QTMAN: variants seen among roughly 807,000 people sequenced by gnomAD.
QTMAN encodes tRNA-queuosine alpha-mannosyltransferase.
chr2:144,008,017 CTAA>C, the QTMAN span, among the ~76,000 whole-genome samples: 1 of 152,246 alleles, frequency 6.6e-6, no homozygotes, highest in East Asian at 1.9e-4. Flanking sequence ...ATTGACTTGG[CTAA>C]TGTTTCCTGA....
At chr2:143,975,613 A>C in the QTMAN span, among the ~76,000 whole-genome samples, 5 of 152,382 alleles carry the variant, frequency 3.3e-5, no homozygotes, top group South Asian at 1.0e-3. Flanking sequence ...CAGTAGTATA[A>C]GGACATTGGA....
At chr2:144,130,326 G>T in the QTMAN span, among the ~76,000 whole-genome samples, 1 of 151,862 alleles carries the variant, frequency 6.6e-6, no homozygotes, top group Non-Finnish European at 1.5e-5. Flanking sequence ...AAAGTACTTG[G>T]ATCTAATATT....
chr2:144,137,194 A>C, the QTMAN span, among the ~76,000 whole-genome samples: 1 of 152,140 alleles, frequency 6.6e-6, no homozygotes, highest in African/African-American at 2.4e-5. Flanking sequence ...TTCTGCCAAA[A>C]GTGGATTATG....
chr2:144,275,308 C>T, the QTMAN span, among the ~76,000 whole-genome samples: 3 of 151,078 alleles, frequency 2.0e-5, no homozygotes, highest in South Asian at 2.1e-4. Flanking sequence ...CGCTTGAACC[C>T]GGGAGGTGGA....
the QTMAN span, among the ~76,000 whole-genome samples, chr2:144,262,640 AGG>A: frequency 3.3e-5 from 1 of 30,400 alleles, no homozygotes; most frequent in African/African-American, 1.3e-4. Flanking sequence ...GGGGAGGGAG[AGG>A]GGAGGGGAGA....
chr2:144,196,268 C>T, the QTMAN span, among the ~76,000 whole-genome samples: 1 of 151,080 alleles, frequency 6.6e-6, no homozygotes, highest in African/African-American at 2.4e-5. Context: ...ATAATATATG[C>T]TTTGAATTAT....
chr2:144,216,931 C>T, the QTMAN span, among the ~76,000 whole-genome samples: 7 of 152,286 alleles, frequency 4.6e-5, no homozygotes, highest in African/African-American at 1.7e-4. Context: ...GCCCATTCCA[C>T]ATTTAGTAAT....
At chr2:144,181,880 G>A in the QTMAN span, among the ~76,000 whole-genome samples, 56 of 152,208 alleles carry the variant, frequency 3.7e-4, no homozygotes, top group African/African-American at 1.3e-3. Context: ...TATTTAAAAT[G>A]CAACATTCTA....
At chr2:144,308,990 T>C in the QTMAN span, among the ~76,000 whole-genome samples, 1 of 152,154 alleles carries the variant, frequency 6.6e-6, no homozygotes, top group African/African-American at 2.4e-5. Context: ...CAAAAGAAGT[T>C]ATATAAATGG....
chr2:144,201,286 G>C, the QTMAN span, among the ~76,000 whole-genome samples: 1 of 152,146 alleles, frequency 6.6e-6, no homozygotes, highest in African/African-American at 2.4e-5. Context: ...GCATGAGTAA[G>C]TATTGCCAAC....
chr2:144,187,670 C>T, the QTMAN span, among the ~76,000 whole-genome samples: 696 of 152,248 alleles, frequency 4.6e-3, 11 homozygotes, highest in Middle Eastern at 0.014. Context: ...TGATACCAGA[C>T]AGAGTCCTTT....
At chr2:144,133,133 A>ATATATATATATATATATAATATAATAT in the QTMAN span, among the ~76,000 whole-genome samples, 4 of 44,524 alleles carry the variant, frequency 9.0e-5, no homozygotes, top group African/African-American at 1.2e-4. Context: ...ATATATATAT[A>ATATATATATATATATATAATATAATAT]TATATATATA....
the QTMAN span, among the ~76,000 whole-genome samples, chr2:144,199,689 C>T: frequency 5.9e-5 from 9 of 151,962 alleles, no homozygotes; most frequent in Middle Eastern, 3.4e-3. Context: ...ACAAATAAGC[C>T]TAGGAAAAAG....
chr2:143,979,204 G>C, the QTMAN span, among the ~76,000 whole-genome samples: 1 of 151,450 alleles, frequency 6.6e-6, no homozygotes, highest in African/African-American at 2.4e-5. Context: ...CAGTGGTAGA[G>C]AAAGGATTAT....
chr2:144,305,327 C>T, the QTMAN span, among the ~76,000 whole-genome samples: 1 of 152,188 alleles, frequency 6.6e-6, no homozygotes, highest in Non-Finnish European at 1.5e-5. Context: ...AGTGGATACA[C>T]AGTTATCCCA....
At chr2:144,295,256 T>G in the QTMAN span, 1 of 152,306 alleles carries the variant, frequency 6.6e-6, no homozygotes, top group African/African-American at 2.4e-5. Flanking sequence ...GCTCACTTCC[T>G]AAGGGAAGCC....
the QTMAN span, among the ~76,000 whole-genome samples, chr2:143,992,964 T>TAAC: frequency 4.1e-4 from 63 of 152,244 alleles, no homozygotes; most frequent in East Asian, 7.5e-3. Context: ...GAAAAGATAT[T>TAAC]AACAACAACA....
the QTMAN span, among the ~76,000 whole-genome samples, chr2:144,100,761 C>A: frequency 6.6e-5 from 10 of 150,768 alleles, no homozygotes; most frequent in African/African-American, 2.4e-4. Flanking sequence ...TAGAAATTAA[C>A]TTGCTTAATG....
the QTMAN span, among the ~76,000 whole-genome samples, chr2:144,077,474 G>C: frequency 2.3e-3 from 349 of 152,234 alleles, 2 homozygotes; most frequent in African/African-American, 7.9e-3. Context: ...TCCAGATACT[G>C]ATCTATAAAT....
Sources: gnomAD v4.1 joint callset for allele counts (sites outside exome capture counted in the v4.1 genomes callset) on GRCh38, gnomAD v4.1.1 for gene constraint, MANE v1.5 for transcripts, NCBI Gene and HGNC (gene_info 2026-07-23, HGNC 2026-07-21) for gene names.